ARID2: variants seen among roughly 807,000 people sequenced by gnomAD.
The protein encoded by ARID2 is AT-rich interaction domain 2, also known as AT-rich interactive domain-containing protein 2.
Under a neutral mutation model 184.6 loss-of-function variants are expected in ARID2, and 32 were observed. The observed-to-expected ratio is 0.17, with a 90% CI of 0.13 to 0.23. ARID2 has a LOEUF of 0.23. ARID2 is among the 10% of genes least tolerant of loss of function. ARID2 has a pLI of 1.00. For synonymous variants in ARID2, 836 were observed against 772.6 expected (o/e 1.08, Z -1.36); for missense variants, 1,696 against 2,197.6 (o/e 0.77, Z 4.56).
intron 16 of ARID2, among the ~76,000 whole-genome samples, chr12:45,869,849 T>C (rs889651321): frequency 1.3e-5 from 2 of 152,022 alleles, no homozygotes; most frequent in African/African-American, 4.8e-5. Flanking sequence ...TGCCATTGCA[T>C]TCCAGCCTGT....
intron 3 of ARID2, among the ~76,000 whole-genome samples, chr12:45,738,872 GAA>G (rs985068830): frequency 3.7e-4 from 52 of 142,360 alleles, no homozygotes; most frequent in African/African-American, 1.1e-3. Flanking sequence ...TGCTAGTCAG[GAA>G]AGGATATTTT....
chr12:45,736,352 G>A (rs1262110891), intron 3 of ARID2, among the ~76,000 whole-genome samples: 3 of 146,366 alleles, frequency 2.0e-5, no homozygotes, highest in African/African-American at 5.1e-5. Context: ...GCGAGACTCC[G>A]TCTGAAAAAA....
At chr12:45,892,961 T>A (rs1300637236) in intron 18 of ARID2, among the ~76,000 whole-genome samples, 1 of 152,214 alleles carries the variant, frequency 6.6e-6, no homozygotes, top group East Asian at 1.9e-4. Flanking sequence ...ATACCATGTT[T>A]TCTTGGATGA....
rs2138162596 is a variant in ARID2, at chr12:45,850,508, T to A, written c.2385T>A (p.Ala795=). The A allele has an allele frequency of 6.2e-7, 1 of 1,614,064 alleles. No individual in the cohort carries two copies. Among genetic ancestry groups the A allele is most frequent in the Non-Finnish European group, 8.5e-7 (1 of 1,179,986 alleles). ...SGTPVTVIQQ[A]VPQSHMFGRV... is the part of the protein sequence containing the mutation. ...CTCCTGTTACAGTAATTCAACAAGC[T>A]GTCCCACAGAGTCATATGTTTGGCA... The change falls in exon 15 of 21, where the codon GCT becomes GCA. Residue 795 remains alanine (A), a synonymous_variant. Transcript: ENST00000334344.
chr12:45,849,175 A>G (rs921723765), intron 13 of ARID2, among the ~76,000 whole-genome samples: 2 of 152,122 alleles, frequency 1.3e-5, no homozygotes, highest in Non-Finnish European at 2.9e-5. Context: ...ACATTATGAG[A>G]TTTATCAAAG....
chr12:45,826,729 G>A (rs1383239358), intron 6 of ARID2, among the ~76,000 whole-genome samples: 1 of 151,994 alleles, frequency 6.6e-6, no homozygotes, highest in African/African-American at 2.4e-5. Context: ...CCTTATAGAA[G>A]TAATTGATGC....
Position 45,851,791 on chromosome 12 carries a change from C to G in ARID2, c.3668C>G (p.Ser1223Cys). 6.8e-6 allele frequency: 11 copies of G among 1,614,140 alleles called. No individual in the cohort carries two copies. Among genetic ancestry groups the G allele is most frequent in the Non-Finnish European group, 8.5e-6 (10 of 1,180,008 alleles). Residue 1223 changes from serine to cysteine, a missense_variant, in exon 15 of 21, where the codon TCT becomes TGT. By Grantham distance (112) the Ser-to-Cys change is moderately radical. Coordinates refer to ENST00000334344, the MANE Select transcript of ARID2 (RefSeq NM_152641.4). ...PVQTLPATQA[S>C]PAGQSSCTTA... is the part of the protein sequence containing the mutation. ...CAAACGCTTCCAGCCACTCAAGCAT[C>G]TCCTGCTGGACAATCATCATGTACT... is the stretch of plus-strand genomic sequence containing the variant.
At chr12:45,847,775 C>G (rs1943471197) in intron 12 of ARID2, among the ~76,000 whole-genome samples, 1 of 152,012 alleles carries the variant, frequency 6.6e-6, no homozygotes, top group African/African-American at 2.4e-5. Flanking sequence ...CCAGACTTTT[C>G]TACTTTGCTT....
chr12:45,815,475 G>A (rs527741302), intron 4 of ARID2, among the ~76,000 whole-genome samples: 77 of 152,188 alleles, frequency 5.1e-4, no homozygotes, highest in African/African-American at 1.6e-3. Context: ...GCTAGAATAG[G>A]TTAGAATTGA....
At chr12:45,904,671 T>G (rs1321116997) in intron 20 of ARID2, among the ~76,000 whole-genome samples, 5 of 114,056 alleles carry the variant, frequency 4.4e-5, no homozygotes, top group Admixed American at 1.3e-4. Context: ...AGCCTGGCAA[T>G]AGAGTGAGAC....
intron 20 of ARID2, among the ~76,000 whole-genome samples, chr12:45,903,712 C>T (rs1371983742): frequency 6.6e-6 from 1 of 152,194 alleles, no homozygotes; most frequent in East Asian, 1.9e-4. Flanking sequence ...TGCATCTTTT[C>T]CATAAACTTC....
intron 6 of ARID2, among the ~76,000 whole-genome samples, chr12:45,831,737 T>C (rs572524695): frequency 2.3e-4 from 35 of 152,308 alleles, no homozygotes; most frequent in Middle Eastern, 3.4e-3. Flanking sequence ...TCCTGAGATG[T>C]GAATGTTGAA....
Position 45,777,423 on chromosome 12 carries a change from G to T in ARID2, c.285-33995G>T, listed in dbSNP as rs574573191. ...TGCCATTGAGATGATAGTGTATTGT[G>T]TATAATATATAGAAGATACAATCAC... On this transcript the variant is annotated intron_variant, in intron 3 of 20. Coordinates refer to ENST00000334344, the MANE Select transcript of ARID2 (RefSeq NM_152641.4). Among the ~76,000 whole-genome samples, 4 of 152,180 alleles carry T rather than the reference G, an allele frequency of 2.6e-5. No homozygotes were observed. The East Asian group carries it at 7.7e-4, about 29-fold the overall frequency.
intron 16 of ARID2, among the ~76,000 whole-genome samples, chr12:45,870,176 A>T (rs1202358918): frequency 1.3e-5 from 2 of 151,812 alleles, no homozygotes; most frequent in African/African-American, 2.4e-5. Context: ...TTTAGTAGAG[A>T]ACGGGGCTTC....
chr12:45,899,786 CT>C (rs144523826), intron 20 of ARID2, among the ~76,000 whole-genome samples: 32,521 of 136,800 alleles, frequency 0.24, 4,051 homozygotes, highest in Non-Finnish European at 0.31. Flanking sequence ...TTACCCCCCC[CT>C]CCCACCTCCA....
intron 15 of ARID2, among the ~76,000 whole-genome samples, chr12:45,854,247 A>G (rs933733256): frequency 1.3e-5 from 2 of 152,204 alleles, no homozygotes; most frequent in Admixed American, 6.5e-5. Context: ...GGCAAGTTGT[A>G]TAATTATTTC....
At chr12:45,818,040 G>T in intron 5 of ARID2, 152 bp downstream of exon 5, 1 of 581,374 alleles carries the variant, frequency 1.7e-6, no homozygotes. Flanking sequence ...TGAATGTTTG[G>T]GGGGTTTTAA....
chr12:45,889,758 C>G (rs1008192700), intron 16 of ARID2, among the ~76,000 whole-genome samples: 1 of 152,162 alleles, frequency 6.6e-6, no homozygotes, highest in East Asian at 1.9e-4. Context: ...GCCAACATGG[C>G]GAAACCCCGT....
At chr12:45,826,184 A>G (rs1360574449) in intron 6 of ARID2, among the ~76,000 whole-genome samples, 4 of 152,094 alleles carry the variant, frequency 2.6e-5, no homozygotes, top group African/African-American at 4.8e-5. Context: ...AATATAGACT[A>G]TATATTAAAC....
Sources: gnomAD v4.1 joint callset for allele counts (sites outside exome capture counted in the v4.1 genomes callset) on GRCh38, gnomAD v4.1.1 for gene constraint, MANE v1.5 for transcripts, NCBI Gene and HGNC (gene_info 2026-07-23, HGNC 2026-07-21) for gene names.